The following PPP3CA variants were observed in gnomAD, a reference collection of about 807,000 sequenced individuals.
PPP3CA encodes the protein protein phosphatase 3 catalytic subunit alpha.
In PPP3CA, 14 loss-of-function variants were observed where a neutral mutation model predicts 66.5. The ratio of observed to expected loss-of-function variants is 0.21; its 90% confidence interval spans 0.14 to 0.33. PPP3CA has a LOEUF of 0.33. Among genes scored for constraint, PPP3CA ranks in the 10% least tolerant of loss-of-function variants. The pLI, the probability that PPP3CA is intolerant of heterozygous loss-of-function variation, is 1.00. For synonymous variants in PPP3CA, 232 were observed against 226.2 expected, an observed-to-expected ratio of 1.03 and a Z score of -0.23; for missense variants, 317 against 639.5, an observed-to-expected ratio of 0.50 and a Z score of 5.44.
chr4:101,155,999 C>A (rs1177269435), intron 2 of PPP3CA, among the ~76,000 whole-genome samples: 2 of 152,178 alleles, frequency 1.3e-5, no homozygotes, highest in African/African-American at 2.4e-5. Context: ...CCCTTACATG[C>A]ATTTAGAGAT....
At chr4:101,214,030 T>C (rs566449984) in intron 1 of PPP3CA, among the ~76,000 whole-genome samples, 65 of 152,258 alleles carry the variant, frequency 4.3e-4, no homozygotes, top group African/African-American at 1.5e-3. Flanking sequence ...ACATTCTCAA[T>C]CTGTACTCAT....
chr4:101,226,420 C>T (rs1725784031), intron 1 of PPP3CA, among the ~76,000 whole-genome samples: 1 of 151,708 alleles, frequency 6.6e-6, no homozygotes, highest in Admixed American at 6.6e-5. Context: ...ATACGTAGTG[C>T]ATATTTGTAA....
chr4:101,273,442 T>A (rs1327132810), intron 1 of PPP3CA, among the ~76,000 whole-genome samples: 2 of 152,184 alleles, frequency 1.3e-5, no homozygotes, highest in African/African-American at 4.8e-5. Flanking sequence ...TTCTCCTGCC[T>A]CAGCCTCCCA....
chr4:101,043,645 T>C (rs1727631192), intron 10 of PPP3CA, among the ~76,000 whole-genome samples: 1 of 151,634 alleles, frequency 6.6e-6, no homozygotes, highest in Admixed American at 6.6e-5. Flanking sequence ...GAGACTGAGG[T>C]GGGCGGATCA....
At chr4:101,054,318 C>A (rs1728134829) in intron 10 of PPP3CA, among the ~76,000 whole-genome samples, 1 of 152,000 alleles carries the variant, frequency 6.6e-6, no homozygotes, top group Admixed American at 6.6e-5. Context: ...AGTGATGGGA[C>A]TTTCTAAGGT....
At chr4:101,071,172 A>G (rs1728901955) in intron 8 of PPP3CA, among the ~76,000 whole-genome samples, 2 of 152,114 alleles carry the variant, frequency 1.3e-5, no homozygotes, top group African/African-American at 4.8e-5. Context: ...CTCTGGTGGG[A>G]GGTATTTTGA....
intron 2 of PPP3CA, among the ~76,000 whole-genome samples, chr4:101,147,269 G>A (rs982548291): frequency 3.9e-4 from 60 of 152,232 alleles, no homozygotes; most frequent in African/African-American, 1.4e-3. Context: ...TTGTTCTTTA[G>A]AGCATGCCAT....
chr4:101,311,653 G>C (rs1310866702), intron 1 of PPP3CA, among the ~76,000 whole-genome samples: 3 of 152,044 alleles, frequency 2.0e-5, no homozygotes, highest in African/African-American at 7.2e-5. Flanking sequence ...GGTGGCGTGT[G>C]TCTGTAATCT....
intron 1 of PPP3CA, among the ~76,000 whole-genome samples, chr4:101,335,360 T>A (rs1373120895): frequency 1.3e-5 from 2 of 151,890 alleles, no homozygotes; most frequent in Admixed American, 6.6e-5. Context: ...GGTGCTGAGC[T>A]AGCTGTCTTT....
At chr4:101,281,569 T>C (rs1473709590) in intron 1 of PPP3CA, among the ~76,000 whole-genome samples, 1 of 129,258 alleles carries the variant, frequency 7.7e-6, no homozygotes, top group Non-Finnish European at 1.5e-5. Context: ...TGGCTATGAA[T>C]GAGAATGTAT....
chr4:101,254,156 A>G (rs1022988757), intron 1 of PPP3CA, among the ~76,000 whole-genome samples: 1 of 152,170 alleles, frequency 6.6e-6, no homozygotes, highest in East Asian at 1.9e-4. Flanking sequence ...TCTTCCAGTT[A>G]CAATTTAGAA....
intron 10 of PPP3CA, among the ~76,000 whole-genome samples, chr4:101,042,978 G>C (rs1012488432): frequency 6.6e-6 from 1 of 151,850 alleles, no homozygotes; most frequent in African/African-American, 2.4e-5. Flanking sequence ...GAACTCAGGG[G>C]TCATGATGTG....
intron 1 of PPP3CA, among the ~76,000 whole-genome samples, chr4:101,337,947 G>A (rs571739279): frequency 6.6e-6 from 1 of 152,182 alleles, no homozygotes; most frequent in East Asian, 1.9e-4. Flanking sequence ...ATTTTTTATT[G>A]GTATATACAC....
intron 1 of PPP3CA, among the ~76,000 whole-genome samples, chr4:101,343,440 G>A (rs938163759): frequency 8.5e-5 from 13 of 152,230 alleles, no homozygotes; most frequent in African/African-American, 2.6e-4. Flanking sequence ...AAATCAGGAC[G>A]GGGGTCAAGG....
intron 3 of PPP3CA, among the ~76,000 whole-genome samples, chr4:101,103,539 C>T (rs72681042): frequency 0.047 from 7,173 of 152,288 alleles, 257 homozygotes; most frequent in Middle Eastern, 0.071. Context: ...CACCTAACAT[C>T]TCTTGTTGTG....
chr4:101,241,503 C>T (rs1726308268), intron 1 of PPP3CA, among the ~76,000 whole-genome samples: 1 of 152,022 alleles, frequency 6.6e-6, no homozygotes, highest in Non-Finnish European at 1.5e-5. Context: ...AACCTGAAAT[C>T]AAATTATTCC....
chr4:101,341,208 C>CTTTT (rs374057607), intron 1 of PPP3CA, among the ~76,000 whole-genome samples: 1 of 134,876 alleles, frequency 7.4e-6, no homozygotes, highest in African/African-American at 3.1e-5. Context: ...TTTTCTTTTT[C>CTTTT]TTTTTTTTTT....
chr4:101,246,343 G>A (rs1430316344), intron 1 of PPP3CA, among the ~76,000 whole-genome samples: 2 of 152,140 alleles, frequency 1.3e-5, no homozygotes, highest in Admixed American at 1.3e-4. Flanking sequence ...CCAATGAGAT[G>A]CTACTTATTT....
At chr4:101,313,606 G>A (rs1265965579) in intron 1 of PPP3CA, among the ~76,000 whole-genome samples, 2 of 152,208 alleles carry the variant, frequency 1.3e-5, no homozygotes, top group Middle Eastern at 3.4e-3. Flanking sequence ...GGCAACAAGT[G>A]GGAAGATCAG....
Sources: allele counts gnomAD v4.1 joint callset (sites outside exome capture counted in the v4.1 genomes callset), GRCh38; gene constraint gnomAD v4.1.1; transcripts MANE v1.5; gene names NCBI Gene and HGNC (gene_info 2026-07-23, HGNC 2026-07-21).